PTPRT: variants seen among roughly 807,000 people sequenced by gnomAD.
PTPRT encodes the protein receptor-type tyrosine-protein phosphatase T.
A neutral mutation model predicts 176.8 loss-of-function variants in PTPRT; 56 were observed. The observed-to-expected ratio is 0.32, with a 90% CI of 0.26 to 0.40. The LOEUF (loss-of-function observed/expected upper bound fraction) is 0.40. Ranked by LOEUF, PTPRT falls within the 10% of genes least tolerant of loss-of-function variation. The probability of loss-of-function intolerance (pLI) is 1.00; values close to 1 mark genes in which losing one functional copy is unlikely to be tolerated. For missense variants in PTPRT, 1,540 were observed against 1,908.2 expected (o/e 0.81, Z 3.60); for synonymous variants, 783 against 739.0 (o/e 1.06, Z -0.96).
intron 1 of PTPRT, among the ~76,000 whole-genome samples, chr20:43,004,468 T>C (rs1362043816): frequency 6.6e-6 from 1 of 152,204 alleles, no homozygotes; most frequent in African/African-American, 2.4e-5. Flanking sequence ...AATAGACTGG[T>C]ACCTGACAGA....
At chr20:43,056,701 G>A (rs1987247091) in intron 1 of PTPRT, among the ~76,000 whole-genome samples, 1 of 152,072 alleles carries the variant, frequency 6.6e-6, no homozygotes, top group South Asian at 2.1e-4. Context: ...TGAGCCCAAA[G>A]CAAAACTGAA....
At chr20:42,235,316 G>A (rs560243909) in intron 15 of PTPRT, among the ~76,000 whole-genome samples, 73 of 151,878 alleles carry the variant, frequency 4.8e-4, no homozygotes, top group Admixed American at 1.1e-3. Context: ...AGGCTGGAGC[G>A]CAATGGTACG....
intron 8 of PTPRT, among the ~76,000 whole-genome samples, chr20:42,453,219 T>G (rs2070862549): frequency 6.6e-6 from 1 of 152,206 alleles, no homozygotes; most frequent in Non-Finnish European, 1.5e-5. Flanking sequence ...CAATTTTTAC[T>G]GCAGTTGCAT....
chr20:42,592,775 C>T (rs956535857), intron 7 of PTPRT, among the ~76,000 whole-genome samples: 2 of 152,128 alleles, frequency 1.3e-5, no homozygotes, highest in African/African-American at 4.8e-5. Context: ...CATCATGAGG[C>T]CTCTGAGGAC....
At position 43,083,320 on chromosome 20, in the gene PTPRT, GTATATATATATATA is replaced by G. The variant is rs779087395; in HGVS notation, c.88+106312_88+106325del. On this transcript the variant is annotated intron_variant, in intron 1 of 30. Transcript: ENST00000373187. ...ACCATAAGATTCACCCACTTCAAATGTATATATATATATATATATATATATATATATATATATAT... is the reference window on the plus strand; with the variant it reads ...ACCATAAGATTCACCCACTTCAAATGTATATATATATATATATATATATAT... Among the ~76,000 whole-genome samples, 235 of 37,358 alleles carry G rather than the reference GTATATATATATATA, an allele frequency of 6.3e-3. 1 individual carries two copies. The highest frequency in any genetic ancestry group is 0.012 in the African/African-American group (177 of 15,242). 24.5% of individuals were successfully genotyped at this position (37,358 alleles called of 152,430 possible).
intron 17 of PTPRT, among the ~76,000 whole-genome samples, chr20:42,152,617 C>T (rs1045613248): frequency 3.3e-5 from 5 of 152,232 alleles, no homozygotes; most frequent in South Asian, 2.1e-4. Context: ...GGAAATCTCA[C>T]GCGAGGGTAC....
At chr20:43,187,238 T>A (rs2015415543) in intron 1 of PTPRT, among the ~76,000 whole-genome samples, 1 of 152,198 alleles carries the variant, frequency 6.6e-6, no homozygotes, top group Non-Finnish European at 1.5e-5. Context: ...GATTGGGAAT[T>A]TTCAGATCAA....
At chr20:42,638,511 C>A (rs867729162) in intron 7 of PTPRT, among the ~76,000 whole-genome samples, 9 of 152,124 alleles carry the variant, frequency 5.9e-5, no homozygotes, top group African/African-American at 1.9e-4. Flanking sequence ...TTGGGCCCAA[C>A]AATGGATTTT....
chr20:42,627,003 T>A (rs2074301822), intron 7 of PTPRT, among the ~76,000 whole-genome samples: 1 of 123,378 alleles, frequency 8.1e-6, no homozygotes, highest in Non-Finnish European at 1.7e-5. Flanking sequence ...GCCTCTCTGA[T>A]CTCCTGTAAA....
At chr20:43,096,737 G>C (rs2012185522) in intron 1 of PTPRT, among the ~76,000 whole-genome samples, 1 of 152,230 alleles carries the variant, frequency 6.6e-6, no homozygotes, top group South Asian at 2.1e-4. Context: ...GAGAGGGCTG[G>C]AATCTAGTGC....
rs1231817491 is a variant in PTPRT at position 42,363,288 on chromosome 20, ATATATATATATATTTTTTTTTTTTTTT to A, written c.1561-11030_1561-11004del. On this transcript the variant is annotated intron_variant, in intron 9 of 30. Coordinates refer to ENST00000373187, the MANE Select transcript of PTPRT (RefSeq NM_007050.6). ...ATTACAATTATATATATATATATAT[ATATATATATATATTTTTTTTTTTTTTT>A]TTTTTTTTTTTGAGATGGAGTTTTC... Among the ~76,000 whole-genome samples, 67 of 22,594 alleles carry A rather than the reference ATATATATATATATTTTTTTTTTTTTTT, an allele frequency of 3.0e-3. 2 individuals are homozygous for A. Among genetic ancestry groups the A allele is most frequent in the African/African-American group, 0.014 (63 of 4,636 alleles). 14.8% of individuals were successfully genotyped at this position (22,594 alleles called of 152,430 possible).
intron 7 of PTPRT, among the ~76,000 whole-genome samples, chr20:42,501,101 C>T (rs984081733): frequency 5.3e-5 from 8 of 152,144 alleles, no homozygotes; most frequent in African/African-American, 1.9e-4. Flanking sequence ...CACCCCATCA[C>T]GCCTTTCCCC....
chr20:42,462,088 C>T (rs2071030547), intron 8 of PTPRT, among the ~76,000 whole-genome samples: 1 of 151,178 alleles, frequency 6.6e-6, no homozygotes. Flanking sequence ...TCCATAGAAA[C>T]AAGGAGGTGA....
chr20:42,168,161 T>TGAGGAG (rs34120918), intron 16 of PTPRT, among the ~76,000 whole-genome samples: 2 of 151,106 alleles, frequency 1.3e-5, no homozygotes, highest in Non-Finnish European at 3.0e-5. Flanking sequence ...TTGAGTAGAC[T>TGAGGAG]GAGGAGGAGG....
chr20:42,219,965 G>A (rs2055848161), intron 15 of PTPRT, among the ~76,000 whole-genome samples: 1 of 152,162 alleles, frequency 6.6e-6, no homozygotes, highest in African/African-American at 2.4e-5. Flanking sequence ...CATCGTTCAT[G>A]CAGTAGCCTT....
chr20:42,333,488 C>T (rs2057996453), intron 11 of PTPRT, among the ~76,000 whole-genome samples: 1 of 151,922 alleles, frequency 6.6e-6, no homozygotes, highest in South Asian at 2.1e-4. Flanking sequence ...CAGGTGCCAC[C>T]ATGCCCATCT....
rs576528261 is a variant in PTPRT, at chr20:42,101,915, CTT to C, written c.3714+207_3714+208del. ...GCTTCTGGTCTATTCTTTCCAGGCT[CTT>C]TGTATGAGAAAAGGAGCCAAGAGCC... On this transcript the variant is annotated intron_variant, in intron 26 of 30. Transcript: ENST00000373187. 1.2e-4 allele frequency among the ~76,000 whole-genome samples: 18 copies of C among 152,306 alleles called. No individual in the cohort carries two copies. The South Asian group carries it at 2.3e-3, about 19-fold the overall frequency.
chr20:42,737,038 T>C (rs2076551062), intron 6 of PTPRT, among the ~76,000 whole-genome samples: 1 of 152,196 alleles, frequency 6.6e-6, no homozygotes, highest in African/African-American at 2.4e-5. Context: ...CCAATACACA[T>C]GGGTGCTGCG....
chr20:42,159,822 G>A lies in PTPRT; in HGVS notation c.2682+1530C>T, dbSNP rs183508210. ...CTCATAAAGTTTTAGGACCAGATAG[G>A]TCCTGAGAGATCACCTTATCCAAAT... On this transcript the variant is annotated intron_variant, in intron 17 of 30. Transcript: ENST00000373187. 3.4e-3 allele frequency among the ~76,000 whole-genome samples: 512 copies of A among 152,172 alleles called. 4 individuals carry two copies. Among genetic ancestry groups the A allele is most frequent in the African/African-American group, 0.012 (483 of 41,530 alleles).
Sources: allele counts gnomAD v4.1 joint callset (sites outside exome capture counted in the v4.1 genomes callset), GRCh38; gene constraint gnomAD v4.1.1; transcripts MANE v1.5; gene names NCBI Gene and HGNC (gene_info 2026-07-23, HGNC 2026-07-21).